TMEM132C: variants seen among roughly 807,000 people sequenced by gnomAD.
TMEM132C encodes the protein protein phosphatase 1, regulatory subunit 152.
Under a neutral mutation model 61.4 loss-of-function variants are expected in TMEM132C, and 29 were observed. That is an observed-to-expected ratio of 0.47 (90% CI 0.35 to 0.64). TMEM132C has a LOEUF of 0.64. Among genes scored for constraint, TMEM132C ranks in the 30% least tolerant of loss-of-function variants. The pLI is 0.00. For missense variants in TMEM132C, 1,408 were observed against 1,476.9 expected (o/e 0.95, Z 0.76); for synonymous variants, 656 against 633.1 (o/e 1.04, Z -0.54).
At chr12:128,703,698 C>A (rs1350500070) in intron 8 of TMEM132C, among the ~76,000 whole-genome samples, 1 of 152,218 alleles carries the variant, frequency 6.6e-6, no homozygotes, top group Non-Finnish European at 1.5e-5. Context: ...GACTCCATGT[C>A]TTTGCTATTG....
intron 3 of TMEM132C, among the ~76,000 whole-genome samples, chr12:128,553,968 G>A (rs1874254787): frequency 6.6e-6 from 1 of 152,206 alleles, no homozygotes; most frequent in Non-Finnish European, 1.5e-5. Flanking sequence ...TCTGTGCCCA[G>A]GACTGGTTAC....
intron 3 of TMEM132C, among the ~76,000 whole-genome samples, chr12:128,544,836 T>A (rs1873891943): frequency 6.6e-6 from 1 of 152,242 alleles, no homozygotes; most frequent in Non-Finnish European, 1.5e-5. Flanking sequence ...TTGGAAACAT[T>A]TTCTCTTGAC....
intron 3 of TMEM132C, among the ~76,000 whole-genome samples, chr12:128,601,510 C>T (rs1165914257): frequency 6.6e-6 from 1 of 152,208 alleles, no homozygotes; most frequent in African/African-American, 2.4e-5. Context: ...AGAAATGCAT[C>T]CTGCACCGAG....
At chr12:128,694,186 G>A (rs1954740128) in intron 6 of TMEM132C, among the ~76,000 whole-genome samples, 152 bp downstream of exon 6, 1 of 152,190 alleles carries the variant, frequency 6.6e-6, no homozygotes, top group African/African-American at 2.4e-5. Flanking sequence ...AGGCCCAAAA[G>A]CTGCTAAACA....
chr12:128,598,994 CA>C (rs1212684082), intron 3 of TMEM132C, among the ~76,000 whole-genome samples: 1 of 152,158 alleles, frequency 6.6e-6, no homozygotes, highest in Non-Finnish European at 1.5e-5. Flanking sequence ...ATTTTGGCTA[CA>C]TGTAGCCAGC....
intron 1 of TMEM132C, among the ~76,000 whole-genome samples, chr12:128,277,605 A>G (rs1333225511): frequency 6.6e-6 from 1 of 152,206 alleles, no homozygotes; most frequent in African/African-American, 2.4e-5. Flanking sequence ...CACCACTAAG[A>G]TAGAAGGTGT....
chr12:128,388,945 C>T (rs1874677809), intron 1 of TMEM132C, among the ~76,000 whole-genome samples: 1 of 152,104 alleles, frequency 6.6e-6, no homozygotes. Context: ...GGAGGCTGCT[C>T]CAAAAGAAGT....
intron 2 of TMEM132C, among the ~76,000 whole-genome samples, chr12:128,505,144 G>A (rs558541877): frequency 6.6e-6 from 1 of 152,246 alleles, no homozygotes; most frequent in East Asian, 1.9e-4. Context: ...ATTAAGCAAA[G>A]TCAGGGCTCA....
At chr12:128,348,574 C>A (rs1007481343) in intron 1 of TMEM132C, among the ~76,000 whole-genome samples, 4 of 152,178 alleles carry the variant, frequency 2.6e-5, no homozygotes, top group Non-Finnish European at 5.9e-5. Flanking sequence ...CCACTGAGTG[C>A]TTTTGTGTAA....
At chr12:128,344,643 G>A (rs1242442234) in intron 1 of TMEM132C, among the ~76,000 whole-genome samples, 4 of 152,148 alleles carry the variant, frequency 2.6e-5, no homozygotes, top group East Asian at 1.9e-4. Context: ...GCTATTGCCC[G>A]TCTTTATCTC....
intron 2 of TMEM132C, among the ~76,000 whole-genome samples, chr12:128,476,878 C>T (rs753119587): frequency 2.9e-4 from 44 of 152,330 alleles, no homozygotes; most frequent in Non-Finnish European, 5.7e-4. Context: ...TTTTATTATA[C>T]TTCCCACGTT....
chr12:128,665,621 G>GCACACACACACA lies in TMEM132C; in HGVS notation c.1306-3784_1306-3773dup, dbSNP rs139344256. 1.8e-3 allele frequency among the ~76,000 whole-genome samples: 212 copies of GCACACACACACA among 120,304 alleles called. 1 individual carries two copies. Among genetic ancestry groups the GCACACACACACA allele is most frequent in the African/African-American group, 6.5e-3 (201 of 31,108 alleles). The allele number at this position is 120,304 out of a possible 152,430, so 78.9% of individuals were successfully genotyped here. ...GGCACTCACACATACCCAAACACAG[G>GCACACACACACA]CACACACACACACACACACACACCC... On this transcript the variant is annotated intron_variant, in intron 4 of 8. Coordinates refer to ENST00000435159, the MANE Select transcript of TMEM132C (RefSeq NM_001136103.3).
At chr12:128,342,024 T>G (rs1872991222) in intron 1 of TMEM132C, among the ~76,000 whole-genome samples, 1 of 151,752 alleles carries the variant, frequency 6.6e-6, no homozygotes, top group African/African-American at 2.4e-5. Flanking sequence ...TTTTTTTTTC[T>G]TTGAGATGGA....
At chr12:128,656,511 T>C (rs1326293957) in intron 4 of TMEM132C, among the ~76,000 whole-genome samples, 9 of 152,260 alleles carry the variant, frequency 5.9e-5, no homozygotes, top group Non-Finnish European at 7.3e-5. Context: ...TCTAAAGTAC[T>C]GCATATTTCC....
intron 3 of TMEM132C, among the ~76,000 whole-genome samples, chr12:128,551,219 T>G (rs773509415): frequency 1.5e-5 from 2 of 137,470 alleles, no homozygotes; most frequent in African/African-American, 3.2e-5. Flanking sequence ...GCCCCCCCCC[T>G]CCCGCTTCCT....
At chr12:128,704,669 G>C (rs1245554517) in intron 8 of TMEM132C, among the ~76,000 whole-genome samples, 1 of 152,180 alleles carries the variant, frequency 6.6e-6, no homozygotes, top group Non-Finnish European at 1.5e-5. Flanking sequence ...ACAGACAACA[G>C]CTGTATCCAT....
At chr12:128,686,089 T>G (rs1954673336) in intron 5 of TMEM132C, among the ~76,000 whole-genome samples, 1 of 133,200 alleles carries the variant, frequency 7.5e-6, no homozygotes, top group Admixed American at 7.0e-5. Flanking sequence ...GCATGTGTGT[T>G]GTGTGCGCAT....
rs111964461 is a variant in TMEM132C, at chr12:128,385,401, C to T, written c.86-29331C>T. On this transcript the variant is annotated intron_variant, in intron 1 of 8. Transcript: ENST00000435159. ...ATTGCAAAGATTCGAGACATAAACGCCGAGTCCTCGCACAGAGCCTGATAG... is the reference window on the plus strand; with the variant it reads ...ATTGCAAAGATTCGAGACATAAACGTCGAGTCCTCGCACAGAGCCTGATAG... 1.6e-3 allele frequency among the ~76,000 whole-genome samples: 124 copies of T among 79,806 alleles called. 10 individuals carry two copies. Among genetic ancestry groups the T allele is most frequent in the South Asian group, 3.0e-3 (7 of 2,318 alleles). 52.4% of individuals were successfully genotyped at this position (79,806 alleles called of 152,430 possible).
intron 1 of TMEM132C, among the ~76,000 whole-genome samples, chr12:128,368,843 C>T (rs1390576235): frequency 6.6e-6 from 1 of 152,146 alleles, no homozygotes; most frequent in Non-Finnish European, 1.5e-5. Flanking sequence ...AAGGTTGGTG[C>T]AGCAGCTTAG....
Sources: allele counts gnomAD v4.1 joint callset (sites outside exome capture counted in the v4.1 genomes callset), GRCh38; gene constraint gnomAD v4.1.1; transcripts MANE v1.5; gene names NCBI Gene and HGNC (gene_info 2026-07-23, HGNC 2026-07-21).